The following AQR variants were observed in gnomAD, a reference collection of about 807,000 sequenced individuals.
The protein encoded by AQR is aquarius intron-binding spliceosomal factor, also known as RNA helicase aquarius.
A neutral mutation model predicts 180.5 loss-of-function variants in AQR; 61 were observed. The ratio of observed to expected loss-of-function variants is 0.34; its 90% CI spans 0.28 to 0.42. AQR has a LOEUF of 0.42. Among genes scored for constraint, AQR ranks in the 10% least tolerant of loss-of-function variants. AQR has a pLI of 1.00. For synonymous variants in AQR, 551 were observed against 588.8 expected, an observed-to-expected ratio of 0.94 and a Z score of 0.93; for missense variants, 1,281 against 1,798.3, an observed-to-expected ratio of 0.71 and a Z score of 5.20.
chr15:34,920,466 GTAACT>G, intron 13 of AQR, 32 bp from the exon 14 acceptor site: 1 of 1,484,906 alleles, frequency 6.7e-7, no homozygotes. Context: ...TTTATTCATA[GTAACT>G]TACTTCACTT....
intron 3 of AQR, 124 bp from the exon 4 acceptor site, chr15:34,953,044 T>C: frequency 1.8e-6 from 1 of 564,000 alleles, no homozygotes; most frequent in Non-Finnish European, 3.1e-6. Flanking sequence ...ATTCATAATA[T>C]CAGATCACAA....
chr15:34,860,369 C>A (rs1892652062), intron 33 of AQR, among the ~76,000 whole-genome samples: 1 of 151,402 alleles, frequency 6.6e-6, no homozygotes, highest in Admixed American at 6.6e-5. Flanking sequence ...AAAGGGGGCC[C>A]AGGTCAGCAC....
chr15:34,877,631 C>A (rs532332939), intron 27 of AQR, among the ~76,000 whole-genome samples: 1 of 152,066 alleles, frequency 6.6e-6, no homozygotes, highest in Non-Finnish European at 1.5e-5. Flanking sequence ...TTAAAAAGAC[C>A]GCTTTCTGAA....
intron 22 of AQR, among the ~76,000 whole-genome samples, chr15:34,895,268 G>A (rs1258372138): frequency 1.2e-4 from 14 of 118,928 alleles, no homozygotes; most frequent in Admixed American, 3.7e-4. Flanking sequence ...ATAACACAAC[G>A]GAAGGCATGA....
At chr15:34,857,524 C>T (rs565630115) in intron 34 of AQR, among the ~76,000 whole-genome samples, 10 of 152,012 alleles carry the variant, frequency 6.6e-5, no homozygotes, top group South Asian at 2.1e-4. Flanking sequence ...CCAAGGCAGG[C>T]GGATCACTTG....
chr15:34,954,874 A>C (rs1001399443), intron 3 of AQR, among the ~76,000 whole-genome samples: 1 of 152,124 alleles, frequency 6.6e-6, no homozygotes, highest in African/African-American at 2.4e-5. Context: ...CTGTAATCCT[A>C]AACTTTGGGA....
chr15:34,898,155 A>G (rs1893276702), intron 20 of AQR, among the ~76,000 whole-genome samples: 1 of 152,184 alleles, frequency 6.6e-6, no homozygotes, highest in Non-Finnish European at 1.5e-5. Flanking sequence ...GGCATAGGGT[A>G]GAGAAAAATA....
At chr15:34,930,804 T>G (rs1893841057) in intron 11 of AQR, among the ~76,000 whole-genome samples, 1 of 151,902 alleles carries the variant, frequency 6.6e-6, no homozygotes, top group Admixed American at 6.6e-5. Flanking sequence ...GAGATACTTT[T>G]TTATACGCCA....
intron 5 of AQR, among the ~76,000 whole-genome samples, chr15:34,946,459 C>A: frequency 7.3e-6 from 1 of 136,540 alleles, no homozygotes; most frequent in African/African-American, 2.7e-5. Flanking sequence ...GCCCGGCCAG[C>A]CGCCCCGTCC....
At chr15:34,938,658 TTTAGA>T (rs1893978293) in intron 9 of AQR, 74 bp downstream of exon 9, 1 of 916,986 alleles carries the variant, frequency 1.1e-6, no homozygotes, top group Non-Finnish European at 1.7e-6. Context: ...AAGAACAGTT[TTTAGA>T]TTAGAGATGA....
intron 2 of AQR, among the ~76,000 whole-genome samples, chr15:34,962,700 T>C (rs143106738): frequency 6.6e-6 from 1 of 150,416 alleles, no homozygotes; most frequent in South Asian, 2.1e-4. Context: ...ACCCAGGAGG[T>C]GGAGGCTGCA....
chr15:34,939,058 G>T (rs879638914), intron 8 of AQR, among the ~76,000 whole-genome samples: 1 of 151,952 alleles, frequency 6.6e-6, no homozygotes, highest in African/African-American at 2.4e-5. Context: ...CACCGTGAAC[G>T]TTTTCTTTTT....
intron 5 of AQR, among the ~76,000 whole-genome samples, chr15:34,946,449 GC>G (rs1410922934): frequency 1.5e-5 from 1 of 66,578 alleles, no homozygotes; most frequent in Admixed American, 1.5e-4. Context: ...TCAGCCCCCC[GC>G]CCGGCCAGCC....
chr15:34,854,958 A>G lies in AQR; in HGVS notation c.*1834T>C, dbSNP rs1892567879. ...TACCAAATATTTACAAATGAAAATA[A>G]TTCTATGAGTGCGATTCCCCATACA... On this transcript the variant is annotated 3_prime_UTR_variant, in exon 35 of 35. Transcript: ENST00000156471. 6.6e-6 allele frequency: 1 copy of G among 152,226 alleles called. No homozygotes were observed. The highest frequency in any genetic ancestry group is 2.1e-4 in the South Asian group (1 of 4,834). 9.4% of individuals were successfully genotyped at this position (152,226 alleles called of 1,614,324 possible). A position where few individuals can be genotyped will look rare whatever the true frequency, so the allele number is the denominator to read the frequency against.
Position 34,952,923 on chromosome 15 carries a change from G to A in AQR, c.174-3C>T. 7.1e-7 allele frequency: 1 copy of A among 1,416,152 alleles called. No homozygotes were observed. The highest frequency in any genetic ancestry group is 9.8e-7 in the Non-Finnish European group (1 of 1,025,122). 87.7% of individuals were successfully genotyped at this position (1,416,152 alleles called of 1,614,324 possible). A position where few individuals can be genotyped will look rare whatever the true frequency, so the allele number is the denominator to read the frequency against. ...GCATTATCTTTCTAATAGCAAACCT[G>A]AAAACATAAAAATAAATAAAATGTT... On this transcript the variant is annotated splice_polypyrimidine_tract_variant and splice_region_variant and intron_variant, in intron 3 of 34. Transcript: ENST00000156471.
At chr15:34,958,968 TATAGATATATAGATATAGATATAG>T (rs1373090715) in intron 3 of AQR, among the ~76,000 whole-genome samples, 1 of 138,598 alleles carries the variant, frequency 7.2e-6, no homozygotes, top group East Asian at 2.2e-4. Context: ...TTACATTACA[TATAGATATATAGATATAGATATAG>T]ATATAGATAT....
chr15:34,936,345 G>A (rs1206799529), intron 9 of AQR, among the ~76,000 whole-genome samples: 1 of 152,136 alleles, frequency 6.6e-6, no homozygotes, highest in East Asian at 1.9e-4. Context: ...ATTCTGAACT[G>A]GCAAATTACT....
chr15:34,885,833 ATTATAAT>A (rs1302905835), intron 25 of AQR, among the ~76,000 whole-genome samples: 1 of 152,184 alleles, frequency 6.6e-6, no homozygotes, highest in Non-Finnish European at 1.5e-5. Flanking sequence ...AGCTTACAAT[ATTATAAT>A]TTATATCTAA....
chr15:34,879,578 T>C (rs1892939383), intron 27 of AQR, among the ~76,000 whole-genome samples: 1 of 152,228 alleles, frequency 6.6e-6, no homozygotes, highest in South Asian at 2.1e-4. Context: ...AGCTTGACTA[T>C]GTTCTTCTCA....
Sources: allele counts gnomAD v4.1 joint callset (sites outside exome capture counted in the v4.1 genomes callset), GRCh38; gene constraint gnomAD v4.1.1; transcripts MANE v1.5; gene names NCBI Gene and HGNC (gene_info 2026-07-23, HGNC 2026-07-21).